Variants in PSD3 observed in about 807,000 individuals in gnomAD.
PSD3 encodes the protein pleckstrin and Sec7 domain containing 3, also known as PH and SEC7 domain-containing protein 3.
PSD3 carries 49 observed loss-of-function variants against 105.5 expected under a neutral mutation model. The ratio of observed to expected loss-of-function variants is 0.46; its 90% CI spans 0.37 to 0.59. PSD3 has a LOEUF of 0.59. PSD3 is among the 20% of genes least tolerant of loss of function. PSD3 has a pLI of 0.00. For synonymous variants in PSD3, 557 were observed against 457.8 expected, an observed-to-expected ratio of 1.22 and a Z score of -2.77; for missense variants, 1,561 against 1,263.8, an observed-to-expected ratio of 1.24 and a Z score of -3.57.
rs527373589 is a variant in PSD3 at position 18,921,566 on chromosome 8, G to C, written c.130+14468C>G. 1.2e-3 allele frequency among the ~76,000 whole-genome samples: 181 copies of C among 152,270 alleles called. 2 individuals are homozygous for C. The highest frequency in any genetic ancestry group is 1.1e-3 in the Non-Finnish European group (73 of 68,028). On this transcript the variant is annotated intron_variant, in intron 2 of 15. Coordinates refer to ENST00000327040, the MANE Select transcript of PSD3 (RefSeq NM_015310.4). ...GAAACCTACACACAACTGGGCAGGT[G>C]GTCACGGGGAGTCTCTTTAAGAAAA...
At chr8:18,741,697 A>G (rs1048413287) in intron 9 of PSD3, among the ~76,000 whole-genome samples, 1 of 150,944 alleles carries the variant, frequency 6.6e-6, no homozygotes, top group Non-Finnish European at 1.5e-5. Flanking sequence ...TATCAGCGGC[A>G]TGCTGCATTT....
intron 2 of PSD3, among the ~76,000 whole-genome samples, chr8:18,901,131 C>T (rs1315999565): frequency 6.6e-6 from 1 of 152,112 alleles, no homozygotes; most frequent in Non-Finnish European, 1.5e-5. Flanking sequence ...CTAGTATCTA[C>T]ATATATTTTA....
chr8:18,867,686 G>A lies in PSD3; in HGVS notation c.1622C>T (p.Ala541Val), dbSNP rs750257833. 2 of 1,609,624 alleles carry A rather than the reference G, an allele frequency of 1.2e-6. No homozygotes were observed. The highest frequency in any genetic ancestry group is 1.1e-5 in the South Asian group (1 of 90,590). Reference sequence around the variant, plus strand: ...ATGGGACGAGTACCTTCCCCAGAAAGCAATCTCCGGGGTGCCTTTCGTGTA... The same window carrying A: ...ATGGGACGAGTACCTTCCCCAGAAAACAATCTCCGGGGTGCCTTTCGTGTA... ...SIYTKGTPEI[A>V]FWGSNAGVKT... Residue 541 changes from alanine (A) to valine (V), a missense_variant, in exon 4 of 16, where the codon GCT becomes GTT. Coordinates refer to ENST00000327040, the MANE Select transcript of PSD3 (RefSeq NM_015310.4).
chr8:18,551,310 T>C (rs544119688), intron 15 of PSD3, among the ~76,000 whole-genome samples: 2 of 152,354 alleles, frequency 1.3e-5, no homozygotes, highest in Admixed American at 6.5e-5. Context: ...TGCAACAAGA[T>C]ACTCAACAGT....
At chr8:18,844,655 C>G (rs1339197977) in intron 4 of PSD3, among the ~76,000 whole-genome samples, 1 of 152,158 alleles carries the variant, frequency 6.6e-6, no homozygotes, top group Non-Finnish European at 1.5e-5. Flanking sequence ...ACCACAACCC[C>G]TACTCCACAT....
chr8:18,834,603 C>T (rs1346101703), intron 4 of PSD3, among the ~76,000 whole-genome samples: 2 of 152,086 alleles, frequency 1.3e-5, no homozygotes, highest in African/African-American at 4.8e-5. Flanking sequence ...ATCTGGGCCG[C>T]GGATACCCAT....
intron 1 of PSD3, among the ~76,000 whole-genome samples, chr8:18,986,474 T>C (rs534913009): frequency 6.6e-6 from 1 of 151,940 alleles, no homozygotes; most frequent in African/African-American, 2.4e-5. Flanking sequence ...ATCAGGGAAT[T>C]CAGTAAGGTC....
intron 1 of PSD3, among the ~76,000 whole-genome samples, chr8:18,987,730 A>AGCT (rs1825581015): frequency 6.6e-6 from 1 of 152,106 alleles, no homozygotes; most frequent in African/African-American, 2.4e-5. Context: ...GAGGTGAGAG[A>AGCT]ATCACCTGAG....
intron 12 of PSD3, among the ~76,000 whole-genome samples, chr8:18,581,986 CTCTGG>C (rs1802846440): frequency 2.6e-5 from 4 of 152,106 alleles, no homozygotes; most frequent in Non-Finnish European, 4.4e-5. Context: ...AAAACAAGAG[CTCTGG>C]ATAATGTAAG....
At chr8:19,034,605 G>C (rs2048088) in intron 1 of PSD3, among the ~76,000 whole-genome samples, 14,500 of 152,202 alleles carry the variant, frequency 0.095, 752 homozygotes, top group African/African-American at 0.13. Flanking sequence ...GTGCTTTACT[G>C]GGTGTGTTAT....
Position 18,967,561 on chromosome 8 carries a change from G to A in PSD3, c.22-31419C>T, listed in dbSNP as rs575311197. ...TTAACTATTTCCAGAAAGCCCAGCAGATACCAGACTTGCCCTGCTGAAGGC... is the reference window on the plus strand; with the variant it reads ...TTAACTATTTCCAGAAAGCCCAGCAAATACCAGACTTGCCCTGCTGAAGGC... On this transcript the variant is annotated intron_variant, in intron 1 of 15. Coordinates refer to ENST00000327040, the MANE Select transcript of PSD3 (RefSeq NM_015310.4). Among the ~76,000 whole-genome samples, 5 of 152,304 alleles carry A rather than the reference G, an allele frequency of 3.3e-5. No homozygotes were observed. The South Asian group carries it at 1.0e-3, about 32-fold the overall frequency.
At chr8:18,753,653 T>G (rs1324755612) in intron 9 of PSD3, among the ~76,000 whole-genome samples, 1 of 152,178 alleles carries the variant, frequency 6.6e-6, no homozygotes, top group Non-Finnish European at 1.5e-5. Flanking sequence ...AAGAATGGTT[T>G]TAGATAGAGA....
intron 2 of PSD3, among the ~76,000 whole-genome samples, chr8:18,899,935 G>A (rs376472383): frequency 1.6e-3 from 250 of 151,880 alleles, no homozygotes; most frequent in African/African-American, 4.6e-3. Flanking sequence ...TTAAATCCTC[G>A]TACTCACTTC....
intron 8 of PSD3, among the ~76,000 whole-genome samples, chr8:18,790,342 GC>G (rs2129446242): frequency 7.3e-6 from 1 of 137,762 alleles, no homozygotes; most frequent in African/African-American, 2.7e-5. Context: ...CTTGCTCGCT[GC>G]CCAAGCTGGA....
At chr8:18,654,317 AT>A (rs1351951244) in intron 10 of PSD3, among the ~76,000 whole-genome samples, 1 of 152,202 alleles carries the variant, frequency 6.6e-6, no homozygotes, top group Non-Finnish European at 1.5e-5. Context: ...CAACGTGCAG[AT>A]AACATAACAA....
rs1563324834 is a variant in PSD3, at chr8:18,562,938, CA to C, written c.2785-6587del. Reference sequence around the variant, plus strand: ...GAAAAAGAAAAAGAAAAAGAAAAAACAAAAACAAAACAAAACCAAACCTATG... The same window carrying C: ...GAAAAAGAAAAAGAAAAAGAAAAAACAAAACAAAACAAAACCAAACCTATG... On this transcript the variant is annotated intron_variant, in intron 14 of 15. Transcript: ENST00000327040. Among the ~76,000 whole-genome samples, 9 of 148,714 alleles carry C rather than the reference CA, an allele frequency of 6.1e-5. No individual in the cohort carries two copies. In the East Asian group the frequency reaches 7.8e-4, roughly 13 times the overall value.
chr8:18,707,683 T>C (rs2129420078), intron 9 of PSD3, among the ~76,000 whole-genome samples: 1 of 152,332 alleles, frequency 6.6e-6, no homozygotes, highest in African/African-American at 2.4e-5. Flanking sequence ...GGCCCATGTT[T>C]GTTACCTCCT....
chr8:18,873,258 T>A (rs1353056734), intron 2 of PSD3, among the ~76,000 whole-genome samples: 10 of 152,180 alleles, frequency 6.6e-5, no homozygotes, highest in Middle Eastern at 3.2e-3. Flanking sequence ...CCTTCATTGT[T>A]GGGTTTCTGT....
At chr8:18,951,708 G>C (rs1175191416) in intron 1 of PSD3, among the ~76,000 whole-genome samples, 2 of 152,158 alleles carry the variant, frequency 1.3e-5, no homozygotes, top group African/African-American at 2.4e-5. Context: ...AAATGGGCCA[G>C]GCACAGTGGC....
Sources: allele counts gnomAD v4.1 joint callset (sites outside exome capture counted in the v4.1 genomes callset), GRCh38; gene constraint gnomAD v4.1.1; transcripts MANE v1.5; gene names NCBI Gene and HGNC (gene_info 2026-07-23, HGNC 2026-07-21).